Variants in PTPN7 observed in about 807,000 individuals in gnomAD.
The protein encoded by PTPN7 is tyrosine-protein phosphatase non-receptor type 7.
Under a neutral mutation model 50.3 loss-of-function variants are expected in PTPN7, and 33 were observed. That is an observed-to-expected ratio of 0.66 (90% CI 0.50 to 0.88). PTPN7 has a LOEUF of 0.88. Among genes scored for constraint, PTPN7 ranks in the 40% least tolerant of loss-of-function variants. The pLI is 0.00. For synonymous variants in PTPN7, 185 were observed against 186.6 expected (o/e 0.99, Z 0.07); for missense variants, 412 against 475.4 (o/e 0.87, Z 1.24).
chr1:202,160,820 A>G (rs1438500002), upstream of PTPN7: 2 of 1,533,686 alleles, frequency 1.3e-6, no homozygotes, highest in Non-Finnish European at 1.8e-6. The surrounding 1 kb of genome is among the most constrained non-coding windows in gnomAD (Gnocchi z 4.8). Context: ...TGCTTTCCCC[A>G]GCTTCCAGAC....
Position 202,158,266 on chromosome 1 carries a change from C to T in PTPN7, c.158G>A (p.Arg53Gln), listed in dbSNP as rs140772679. The T allele has an allele frequency of 1.0e-4, 162 of 1,613,984 alleles. 1 individual carries two copies. Among genetic ancestry groups the T allele is most frequent in the Non-Finnish European group, 1.2e-4 (147 of 1,180,004 alleles). ...GSNVALMLDV[R>Q]SLGAVEPICS... ...GATGGGTTCTACGGCCCCCAGGGAC[C>T]GAACGTCCAGCATCAGAGCCACATT... The change falls in exon 3 of 10, where the codon CGG becomes CAG. Residue 53 changes from arginine to glutamine, a missense_variant. Arg to Gln is a conservative substitution (Grantham distance 43). Transcript: ENST00000691036.
chr1:202,154,209 T>C lies in PTPN7; in HGVS notation c.583A>G (p.Thr195Ala). Residue 195 changes from threonine to alanine, a missense_variant, in exon 6 of 10, where the codon ACT becomes GCT. By Grantham distance (58) the Thr-to-Ala change is moderately conservative (BLOSUM62 0). Transcript: ENST00000691036. ...QEEVSLIVML[T>A]QLREGKEKCV... ...ACCTCCTTGCCCTCTCGGAGCTGAG[T>C]GAGCATGACAATGAGGGACACTTCC... The C allele has an allele frequency of 1.9e-6, 3 of 1,613,940 alleles. No individual in the cohort carries two copies. Among genetic ancestry groups the C allele is most frequent in the Non-Finnish European group, 2.5e-6 (3 of 1,179,994 alleles).
chr1:202,147,192 C>A lies in PTPN7; in HGVS notation c.*1414G>T, dbSNP rs1429581486. 1 of 152,090 alleles carries A rather than the reference C, an allele frequency of 6.6e-6. No individual in the cohort carries two copies. The highest frequency in any genetic ancestry group is 1.9e-4 in the East Asian group (1 of 5,138). The allele number at this position is 152,090 out of a possible 1,614,324, so 9.4% of individuals were successfully genotyped here. A position where few individuals can be genotyped will look rare whatever the true frequency, so the allele number is the denominator to read the frequency against. ...CAGGATCAGGCACTTGAGAGCCCCC[C>A]ACCGAGCCTCATTGGCATAGACAGT... On this transcript the variant is annotated 3_prime_UTR_variant, in exon 10 of 10. Transcript: ENST00000691036.
chr1:202,159,263 C>T lies in PTPN7; in HGVS notation c.122+18G>A. The T allele has an allele frequency of 1.9e-6, 3 of 1,612,096 alleles. No homozygotes were observed. Among genetic ancestry groups the T allele is most frequent in the Non-Finnish European group, 2.5e-6 (3 of 1,178,466 alleles). On this transcript the variant is annotated intron_variant, in intron 2 of 9. Coordinates refer to ENST00000691036, the MANE Select transcript of PTPN7 (RefSeq NM_002832.4). This position sits in a 1 kb window ranked among gnomAD's most constrained non-coding sequence, Gnocchi z 4.6. Reference sequence around the variant, plus strand: ...GGGCTCAGGGCTCGGAAGACCCCTCCCCCAGGGAAGATCTCACCTCTCCTG... The same window carrying T: ...GGGCTCAGGGCTCGGAAGACCCCTCTCCCAGGGAAGATCTCACCTCTCCTG...
Position 202,157,679 on chromosome 1 carries a change from T to G in PTPN7, c.391+60A>C, listed in dbSNP as rs1023403527. 6.7e-6 allele frequency: 10 copies of G among 1,496,046 alleles called. No homozygotes were observed. The South Asian group carries it at 1.0e-4, about 15-fold the overall frequency. The allele number at this position is 1,496,046 out of a possible 1,614,324, so 92.7% of individuals were successfully genotyped here. ...GGCTGAAACTGTGTACTTTGTCCTC[T>G]GAAGTTCTCTAGCCCCAGGGACTGT... On this transcript the variant is annotated intron_variant, in intron 4 of 9. Transcript: ENST00000691036.
At position 202,152,516 on chromosome 1, in the gene PTPN7, GCTGCAGTGAAGGGAGGGCCACGCAC is replaced by G; in HGVS notation, c.875+1_875+25del. On this transcript the variant is annotated splice_donor_variant and splice_donor_5th_base_variant and intron_variant, in intron 8 of 9. Coordinates refer to ENST00000691036, the MANE Select transcript of PTPN7 (RefSeq NM_002832.4). LOFTEE classifies it high-confidence loss of function. ...CAGGGGAGGGGAGCACAGTCCACAG[GCTGCAGTGAAGGGAGGGCCACGCAC>G]CTGCAGTGGACTACGATAGGCCCGG... The G allele has an allele frequency of 6.2e-7, 1 of 1,607,168 alleles. No homozygotes were observed. Among genetic ancestry groups the G allele is most frequent in the Non-Finnish European group, 8.5e-7 (1 of 1,178,538 alleles).
At chr1:202,157,950 G>A in intron 3 of PTPN7, 127 bp from the exon 4 acceptor site, 1 of 1,213,634 alleles carries the variant, frequency 8.2e-7, no homozygotes, top group East Asian at 2.4e-5. Flanking sequence ...TAGATGGGGT[G>A]GGGGCAGAAG....
rs1343465252 is a variant in PTPN7, at chr1:202,147,161, C to T, written c.*1445G>A. On this transcript the variant is annotated 3_prime_UTR_variant, in exon 10 of 10. Transcript: ENST00000691036. The stretch of plus-strand genomic sequence containing the variant: ...GCTTCCCTCTGGGCTGGCTCTGAGC[C>T]CAGGGCAGGATCAGGCACTTGAGAG... 1 of 151,966 alleles carries T rather than the reference C, an allele frequency of 6.6e-6. No homozygotes were observed. The highest frequency in any genetic ancestry group is 1.5e-5 in the Non-Finnish European group (1 of 68,086). The allele number at this position is 151,966 out of a possible 1,614,324, so 9.4% of individuals were successfully genotyped here. A position where few individuals can be genotyped will look rare whatever the true frequency, so the allele number is the denominator to read the frequency against.
At position 202,160,566 on chromosome 1, in the gene PTPN7, G is replaced by T; in HGVS notation, c.-74C>A. On this transcript the variant is annotated 5_prime_UTR_variant, in exon 1 of 10. Coordinates refer to ENST00000691036, the MANE Select transcript of PTPN7 (RefSeq NM_002832.4). This position sits in a 1 kb window ranked among gnomAD's most constrained non-coding sequence, Gnocchi z 4.8. ...TTACTGAAGCAGCTGTGGCCCCCAG[G>T]CTGCCTCTTGCCAGCTGTCTGTCTG... The T allele has an allele frequency of 6.5e-7, 1 of 1,549,438 alleles. No individual in the cohort carries two copies. The highest frequency in any genetic ancestry group is 1.7e-4 in the Middle Eastern group (1 of 5,974).
rs1655427978 is a variant in PTPN7 at position 202,147,204 on chromosome 1, T to C, written c.*1402A>G. 6.6e-6 allele frequency: 1 copy of C among 151,818 alleles called. No homozygotes were observed. Among genetic ancestry groups the C allele is most frequent in the African/African-American group, 2.4e-5 (1 of 41,280 alleles). 9.4% of individuals were successfully genotyped at this position (151,818 alleles called of 1,614,324 possible). ...CTTGAGAGCCCCCCACCGAGCCTCA[T>C]TGGCATAGACAGTCGTGCCTCTCAC... is the stretch of plus-strand genomic sequence containing the variant. On this transcript the variant is annotated 3_prime_UTR_variant, in exon 10 of 10. Transcript: ENST00000691036.
At chr1:202,158,441 G>A in intron 2 of PTPN7, 140 bp from the exon 3 acceptor site, 1 of 845,888 alleles carries the variant, frequency 1.2e-6, no homozygotes, top group East Asian at 2.8e-5. Context: ...GCTCACAGCA[G>A]CCTCAAACTC....
At chr1:202,157,284 C>A (rs554330915) in intron 4 of PTPN7, among the ~76,000 whole-genome samples, 1 of 152,074 alleles carries the variant, frequency 6.6e-6, no homozygotes, top group African/African-American at 2.4e-5. Flanking sequence ...CCGAGGTGGG[C>A]GGATCACCTG....
Position 202,155,483 on chromosome 1 carries a change from G to A in PTPN7, c.468+50C>T, listed in dbSNP as rs374993513. ...CCATGGCTGGAAGATATTCTCAGAC[G>A]TCTGAGAATTCCCCCATTCCCCGCC... On this transcript the variant is annotated intron_variant, in intron 5 of 9. Transcript: ENST00000691036. 522 of 1,491,478 alleles carry A rather than the reference G, an allele frequency of 3.5e-4. 4 individuals are homozygous for A. In the African/African-American group the frequency reaches 4.7e-3, roughly 13 times the overall value. The allele number at this position is 1,491,478 out of a possible 1,614,324, so 92.4% of individuals were successfully genotyped here. A position where few individuals can be genotyped will look rare whatever the true frequency, so the allele number is the denominator to read the frequency against.
intron 9 of PTPN7, 117 bp downstream of exon 9, chr1:202,150,194 G>T: frequency 1.3e-6 from 1 of 785,936 alleles, no homozygotes; most frequent in South Asian, 1.5e-5. Context: ...AGCAGAAAGG[G>T]TTTCTTCCTT....
chr1:202,150,159 G>T (rs755730403), intron 9 of PTPN7, 152 bp downstream of exon 9: 43 of 634,858 alleles, frequency 6.8e-5, no homozygotes, highest in Non-Finnish European at 9.7e-5. Flanking sequence ...TTTCCTGGTT[G>T]TTAGTTGTAA....
Position 202,147,608 on chromosome 1 carries a change from G to A in PTPN7, c.*998C>T, listed in dbSNP as rs1373696102. 6.6e-6 allele frequency: 1 copy of A among 152,220 alleles called. No individual in the cohort carries two copies. The highest frequency in any genetic ancestry group is 1.5e-5 in the Non-Finnish European group (1 of 68,090). 9.4% of individuals were successfully genotyped at this position (152,220 alleles called of 1,614,324 possible). A position where few individuals can be genotyped will look rare whatever the true frequency, so the allele number is the denominator to read the frequency against. ...TTGTGTTGATGCTGAGATGGATGAGGGGTGCTCATTCTCTCAGGTAGACAG... is the reference window on the plus strand; with the variant it reads ...TTGTGTTGATGCTGAGATGGATGAGAGGTGCTCATTCTCTCAGGTAGACAG... On this transcript the variant is annotated 3_prime_UTR_variant, in exon 10 of 10. Transcript: ENST00000691036.
intron 7 of PTPN7, 55 bp from the exon 8 acceptor site, chr1:202,152,754 C>T: frequency 1.3e-6 from 2 of 1,579,762 alleles, no homozygotes; most frequent in Non-Finnish European, 1.7e-6. Flanking sequence ...CACTGTCTAC[C>T]TTCTTCTCTG....
rs373307456 is a variant in PTPN7 at position 202,152,537 on chromosome 1, C to T, written c.875+5G>A. On this transcript the variant is annotated splice_donor_5th_base_variant and intron_variant, in intron 8 of 9. Coordinates refer to ENST00000691036, the MANE Select transcript of PTPN7 (RefSeq NM_002832.4). ...ACAGGCTGCAGTGAAGGGAGGGCCA[C>T]GCACCTGCAGTGGACTACGATAGGC... The T allele has an allele frequency of 5.5e-5, 88 of 1,611,264 alleles. No homozygotes were observed. The African/African-American group carries it at 9.9e-4, about 18-fold the overall frequency.
At position 202,160,042 on chromosome 1, in the gene PTPN7, T is replaced by C. The variant is rs1365507128; in HGVS notation, c.-53+503A>G. 2 of 923,150 alleles carry C rather than the reference T, an allele frequency of 2.2e-6. No individual in the cohort carries two copies. The highest frequency in any genetic ancestry group is 2.6e-6 in the Non-Finnish European group (2 of 769,694). The allele number at this position is 923,150 out of a possible 1,614,324, so 57.2% of individuals were successfully genotyped here. On this transcript the variant is annotated intron_variant, in intron 1 of 9. Coordinates refer to ENST00000691036, the MANE Select transcript of PTPN7 (RefSeq NM_002832.4). This position sits in a 1 kb window ranked among gnomAD's most constrained non-coding sequence, Gnocchi z 4.8. ...TAGGCTGGAGGTGTTTCCTTCCTCCTCCTGCCCATCCCCCCGTCTCCCGCC... is the reference window on the plus strand; with the variant it reads ...TAGGCTGGAGGTGTTTCCTTCCTCCCCCTGCCCATCCCCCCGTCTCCCGCC...
Sources: allele counts gnomAD v4.1 joint callset (sites outside exome capture counted in the v4.1 genomes callset), GRCh38; gene constraint gnomAD v4.1.1; non-coding constraint Gnocchi (gnomAD v3.1); transcripts MANE v1.5; gene names NCBI Gene and HGNC (gene_info 2026-07-23, HGNC 2026-07-21).